The following SF3B3 variants were observed in gnomAD, a reference collection of about 807,000 sequenced individuals.
SF3B3 encodes the protein splicing factor 3b subunit 3, also known as SAP 130.
In SF3B3, 33 loss-of-function variants were observed where a neutral mutation model predicts 139.2. The ratio of observed to expected loss-of-function variants is 0.24; its 90% CI spans 0.18 to 0.32. The LOEUF (loss-of-function observed/expected upper bound fraction) is 0.32. Ranked by LOEUF, SF3B3 falls within the 10% of genes least tolerant of loss-of-function variation. SF3B3 has a pLI of 1.00. For synonymous variants in SF3B3, 596 were observed against 563.6 expected (o/e 1.06, Z -0.81); for missense variants, 818 against 1,509.4 (o/e 0.54, Z 7.59).
chr16:70,544,426 T>C lies in SF3B3; in HGVS notation c.1234-12T>C, dbSNP rs1178639139. 1.3e-6 allele frequency: 2 copies of C among 1,574,440 alleles called. No individual in the cohort carries two copies. The highest frequency in any genetic ancestry group is 3.4e-5 in the Admixed American group (2 of 58,348). ...TGGAGACATTTTTTCCTCTAACTTTTTCTCTGTGCAGATAGCTGATCTGGC... is the reference window on the plus strand; with the variant it reads ...TGGAGACATTTTTTCCTCTAACTTTCTCTCTGTGCAGATAGCTGATCTGGC... On this transcript the variant is annotated splice_polypyrimidine_tract_variant and intron_variant, in intron 9 of 25. Coordinates refer to ENST00000302516, the MANE Select transcript of SF3B3 (RefSeq NM_012426.5).
chr16:70,525,914 T>G (rs1192455582), intron 1 of SF3B3, among the ~76,000 whole-genome samples: 1 of 128,488 alleles, frequency 7.8e-6, no homozygotes, highest in Non-Finnish European at 1.5e-5. Context: ...TAAGCCAAGA[T>G]GGCGCCACTG....
At chr16:70,549,679 A>T (rs2050303392) in intron 11 of SF3B3, among the ~76,000 whole-genome samples, 1 of 152,142 alleles carries the variant, frequency 6.6e-6, no homozygotes, top group Non-Finnish European at 1.5e-5. Flanking sequence ...TAATCCCAGC[A>T]TATTGGGAGG....
intron 1 of SF3B3, among the ~76,000 whole-genome samples, chr16:70,525,854 G>A (rs1424803559): frequency 6.6e-6 from 1 of 151,032 alleles, no homozygotes; most frequent in Non-Finnish European, 1.5e-5. Flanking sequence ...CCAGCTACTC[G>A]GGAGCCTGAG....
At position 70,563,871 on chromosome 16, in the gene SF3B3, C is replaced by G. The variant is rs750159139; in HGVS notation, c.2289-5C>G. 1 of 1,611,782 alleles carries G rather than the reference C, an allele frequency of 6.2e-7. No individual in the cohort carries two copies. The highest frequency in any genetic ancestry group is 1.3e-5 in the African/African-American group (1 of 74,834). On this transcript the variant is annotated splice_polypyrimidine_tract_variant and splice_region_variant and intron_variant, in intron 17 of 25. Coordinates refer to ENST00000302516, the MANE Select transcript of SF3B3 (RefSeq NM_012426.5). ...TTAAATAACTGCCTTGCTTTTTTGT[C>G]ATAGGATTTTGGCATTAGAGAAGCT...
Position 70,530,751 on chromosome 16 carries a change from T to C in SF3B3, c.404T>C (p.Ile135Thr), listed in dbSNP as rs1488567068. The C allele has an allele frequency of 6.2e-7, 1 of 1,611,022 alleles. No homozygotes were observed. Among genetic ancestry groups the C allele is most frequent in the Non-Finnish European group, 8.5e-7 (1 of 1,179,036 alleles). Residue 135 changes from isoleucine (I) to threonine (T), a missense_variant, in exon 4 of 26, where the codon ATT becomes ACT. By Grantham distance (89) the Ile-to-Thr change is moderately conservative. Around this residue, in one of 14 missense-constraint regions of SF3B3, gnomAD observed 144 missense variants for 259.2 expected, o/e 0.56. Transcript: ENST00000302516. ...PKGRAVMISA[I>T]EKQKLVYILN... The stretch of plus-strand genomic sequence containing the variant: ...TTATCTCCTTCAACTACAGGTGCCA[T>C]TGAGAAACAGAAATTGGTGTATATT...
intron 11 of SF3B3, 52 bp downstream of exon 11, chr16:70,548,494 T>C: frequency 6.7e-7 from 1 of 1,501,840 alleles, no homozygotes; most frequent in Non-Finnish European, 9.3e-7. Context: ...GCCATTGACA[T>C]AGAAGGCTTG....
At chr16:70,533,238 C>G (rs1202323274) in intron 5 of SF3B3, among the ~76,000 whole-genome samples, 1 of 152,122 alleles carries the variant, frequency 6.6e-6, no homozygotes, top group Non-Finnish European at 1.5e-5. Flanking sequence ...GCCTATAACC[C>G]TAGCACTTTA....
Position 70,571,992 on chromosome 16 carries a change from A to C in SF3B3, c.*179A>C. 1 of 759,172 alleles carries C rather than the reference A, an allele frequency of 1.3e-6. No individual in the cohort carries two copies. 47.0% of individuals were successfully genotyped at this position (759,172 alleles called of 1,614,324 possible). ...CCTGGAATGACTGGCTTCCCCTCAA[A>C]TTGGCACTGAGATTTGCTACACTTC... On this transcript the variant is annotated 3_prime_UTR_variant, in exon 26 of 26. Coordinates refer to ENST00000302516, the MANE Select transcript of SF3B3 (RefSeq NM_012426.5).
At chr16:70,548,147 C>G (rs2050286596) in intron 10 of SF3B3, among the ~76,000 whole-genome samples, 1 of 151,998 alleles carries the variant, frequency 6.6e-6, no homozygotes, top group African/African-American at 2.4e-5. Context: ...GCAACTGTAC[C>G]CTCTCAGACA....
rs1035980084 is a variant in SF3B3 at position 70,576,934 on chromosome 16, AGCCTGG to A, written c.*5124_*5129del. Reference sequence around the variant, plus strand: ...CCCTTGAGCCCAGGAGTTTGAGACCAGCCTGGGCAACATGACAAAACCCCATCTCTC... The same window carrying A: ...CCCTTGAGCCCAGGAGTTTGAGACCAGCAACATGACAAAACCCCATCTCTC... On this transcript the variant is annotated 3_prime_UTR_variant, in exon 26 of 26. Coordinates refer to ENST00000302516, the MANE Select transcript of SF3B3 (RefSeq NM_012426.5). 2 of 152,528 alleles carry A rather than the reference AGCCTGG, an allele frequency of 1.3e-5. No individual in the cohort carries two copies. Among genetic ancestry groups the A allele is most frequent in the African/African-American group, 4.8e-5 (2 of 41,560 alleles). 9.4% of individuals were successfully genotyped at this position (152,528 alleles called of 1,614,324 possible). A position where few individuals can be genotyped will look rare whatever the true frequency, so the allele number is the denominator to read the frequency against.
Position 70,565,503 on chromosome 16 carries a change from A to G in SF3B3, c.2805A>G (p.Glu935=). The G allele has an allele frequency of 6.2e-7, 1 of 1,613,856 alleles. No homozygotes were observed. The highest frequency in any genetic ancestry group is 1.3e-5 in the African/African-American group (1 of 75,016). ...CTTACAAGCTTGTGAACAATGGGGAAAAACTGGAGTTTTTGCACAAGGTAG... is the reference window on the plus strand; with the variant it reads ...CTTACAAGCTTGTGAACAATGGGGAGAAACTGGAGTTTTTGCACAAGGTAG... ...VYTYKLVNNG[E]KLEFLHKTPV... is the part of the protein sequence containing the mutation. Residue 935 remains glutamate (E), a synonymous_variant, in exon 20 of 26, where the codon GAA becomes GAG. Transcript: ENST00000302516.
rs563572176 is a variant in SF3B3 at position 70,575,015 on chromosome 16, G to A, written c.*3202G>A. On this transcript the variant is annotated 3_prime_UTR_variant, in exon 26 of 26. Coordinates refer to ENST00000302516, the MANE Select transcript of SF3B3 (RefSeq NM_012426.5). ...AGGAATAGATGGCTCTCGAGGACAAGATAGGGACTCTTAAAACACCTGCTT... is the reference window on the plus strand; with the variant it reads ...AGGAATAGATGGCTCTCGAGGACAAAATAGGGACTCTTAAAACACCTGCTT... The A allele has an allele frequency of 3.8e-4, 58 of 152,188 alleles. No individual in the cohort carries two copies. Among genetic ancestry groups the A allele is most frequent in the African/African-American group, 1.3e-3 (54 of 41,534 alleles). 9.4% of individuals were successfully genotyped at this position (152,188 alleles called of 1,614,324 possible). A position where few individuals can be genotyped will look rare whatever the true frequency, so the allele number is the denominator to read the frequency against.
At chr16:70,525,770 A>T (rs1479021274) in intron 1 of SF3B3, among the ~76,000 whole-genome samples, 1 of 151,840 alleles carries the variant, frequency 6.6e-6, no homozygotes, top group Non-Finnish European at 1.5e-5. Context: ...GATCGAGACC[A>T]TCCTGGCTAA....
intron 6 of SF3B3, chr16:70,537,939 G>A (rs966591034): frequency 2.5e-5 from 12 of 487,076 alleles, no homozygotes; most frequent in Middle Eastern, 4.0e-4. Context: ...TCATACCTAA[G>A]GAGGTGCCTT....
chr16:70,539,258 G>T, intron 8 of SF3B3, 51 bp downstream of exon 8: 2 of 1,362,824 alleles, frequency 1.5e-6, no homozygotes, highest in South Asian at 2.3e-5. Context: ...ATAAAAGTTG[G>T]CAGCAGAAGC....
At chr16:70,549,190 C>T (rs571415707) in intron 11 of SF3B3, among the ~76,000 whole-genome samples, 1 of 152,298 alleles carries the variant, frequency 6.6e-6, no homozygotes, top group Admixed American at 6.5e-5. Flanking sequence ...TAACATCATC[C>T]TTGCTAGCAG....
rs528807821 is a variant in SF3B3 at position 70,548,189 on chromosome 16, G to A, written c.1330-181G>A. Among the ~76,000 whole-genome samples, 322 of 152,308 alleles carry A rather than the reference G, an allele frequency of 2.1e-3. 2 individuals carry two copies. The highest frequency in any genetic ancestry group is 1.4e-3 in the Non-Finnish European group (98 of 68,016). ...AACTTTTGCTTAAGACTGTCATGGG[G>A]ATTGCCACTAAGAACCAGCCTGTTT... On this transcript the variant is annotated intron_variant, in intron 10 of 25. Coordinates refer to ENST00000302516, the MANE Select transcript of SF3B3 (RefSeq NM_012426.5).
intron 15 of SF3B3, among the ~76,000 whole-genome samples, chr16:70,559,263 A>G (rs1330737826): frequency 2.0e-5 from 3 of 152,214 alleles, no homozygotes; most frequent in African/African-American, 4.8e-5. Flanking sequence ...TTTGCTTACT[A>G]TAAGTACGGT....
At chr16:70,532,654 T>C in intron 5 of SF3B3, 34 bp downstream of exon 5, 1 of 1,608,960 alleles carries the variant, frequency 6.2e-7, no homozygotes, top group Non-Finnish European at 8.5e-7. Context: ...TGTACCCTTT[T>C]ACTTGGTTCA....
Sources: gnomAD v4.1 joint callset for allele counts (sites outside exome capture counted in the v4.1 genomes callset) on GRCh38, gnomAD v4.1.1 for gene constraint, gnomAD v4.1.1 regional missense constraint, MANE v1.5 for transcripts, NCBI Gene and HGNC (gene_info 2026-07-23, HGNC 2026-07-21) for gene names.